The following IL1RL2 variants were observed in gnomAD, a reference collection of about 807,000 sequenced individuals.
IL1RL2 encodes interleukin 1 receptor like 2.
IL1RL2 carries 68 observed loss-of-function variants against 66.8 expected under a neutral mutation model. That is an observed-to-expected ratio of 1.02 (90% CI 0.84 to 1.25). The LOEUF (loss-of-function observed/expected upper bound fraction) is 1.25. IL1RL2 is among the 50% of genes most tolerant of loss of function. IL1RL2 has a pLI of 0.00. For missense variants in IL1RL2, 729 were observed against 709.3 expected, an observed-to-expected ratio of 1.03 and a Z score of -0.32; for synonymous variants, 305 against 264.6, an observed-to-expected ratio of 1.15 and a Z score of -1.48.
intron 6 of IL1RL2, among the ~76,000 whole-genome samples, chr2:102,218,362 A>G (rs930270652): frequency 6.6e-6 from 1 of 152,212 alleles, no homozygotes; most frequent in African/African-American, 2.4e-5. Flanking sequence ...GACAAAGTCC[A>G]CTGAGACTAT....
intron 5 of IL1RL2, among the ~76,000 whole-genome samples, chr2:102,208,217 T>G (rs1444434667): frequency 6.6e-6 from 1 of 152,266 alleles, no homozygotes; most frequent in East Asian, 1.9e-4. Context: ...TTGGTTCTTA[T>G]GAAGGTGTTT....
Position 102,189,259 on chromosome 2 carries a change from T to G in IL1RL2, c.242T>G (p.Leu81Trp), listed in dbSNP as rs760832097. Residue 81 changes from leucine to tryptophan, a missense_variant, in exon 3 of 12, where the codon TTG becomes TGG. Physicochemically the swap from Leu to Trp is moderately conservative, Grantham distance 61. Transcript: ENST00000264257. ...ATTCACCAGGACGAGACTTGGATTT[T>G]GTTTCTCCCCATGGAATGGGGGGAC... ...SRIHQDETWI[L>W]FLPMEWGDSG... 6.2e-7 allele frequency: 1 copy of G among 1,613,832 alleles called. No homozygotes were observed. Among genetic ancestry groups the G allele is most frequent in the African/African-American group, 1.3e-5 (1 of 74,948 alleles).
At chr2:102,211,968 A>G (rs985757326) in intron 5 of IL1RL2, 132 bp from the exon 6 acceptor site, 1 of 534,298 alleles carries the variant, frequency 1.9e-6, no homozygotes, top group Non-Finnish European at 3.3e-6. Flanking sequence ...GAAAATGTGT[A>G]TTTATGGAGT....
At chr2:102,228,816 A>G (rs1356315588) in intron 9 of IL1RL2, among the ~76,000 whole-genome samples, 1 of 152,196 alleles carries the variant, frequency 6.6e-6, no homozygotes, top group Non-Finnish European at 1.5e-5. Context: ...CATTCACAAC[A>G]ACCTTTCAGA....
At chr2:102,204,747 T>A (rs1688559306) in intron 5 of IL1RL2, among the ~76,000 whole-genome samples, 1 of 152,058 alleles carries the variant, frequency 6.6e-6, no homozygotes, top group Non-Finnish European at 1.5e-5. Flanking sequence ...TCAGTCTATG[T>A]GTGTCTTTAT....
intron 10 of IL1RL2, 104 bp downstream of exon 10, chr2:102,233,228 G>C (rs530233878): frequency 1.8e-6 from 2 of 1,117,100 alleles, no homozygotes; most frequent in East Asian, 2.5e-5. Context: ...CTTCCCCATG[G>C]AACCACAGAG....
At chr2:102,187,492 C>A (rs1686786182) in intron 1 of IL1RL2, 1 of 743,224 alleles carries the variant, frequency 1.3e-6, no homozygotes, top group Non-Finnish European at 1.8e-6. Flanking sequence ...GAACCCAGGC[C>A]GCAGGCTGCG....
Position 102,239,208 on chromosome 2 carries a change from A to G in IL1RL2, c.1695A>G (p.Ser565=). 1.2e-6 allele frequency: 2 copies of G among 1,614,034 alleles called. No homozygotes were observed. Among genetic ancestry groups the G allele is most frequent in the Non-Finnish European group, 1.7e-6 (2 of 1,179,894 alleles). The change falls in exon 12 of 12, where the codon TCA becomes TCG. Residue 565 remains serine (S), a synonymous_variant. Transcript: ENST00000264257. ...CYRTAGPELG[S]RRKKCTLTTG is the part of the protein sequence containing the mutation. Reference sequence around the variant, plus strand: ...TGATTTCAGGCCCAGAACTAGGCTCAAGAAGAAAGAAGTGTACTCTCACGA... The same window carrying G: ...TGATTTCAGGCCCAGAACTAGGCTCGAGAAGAAAGAAGTGTACTCTCACGA...
intron 11 of IL1RL2, among the ~76,000 whole-genome samples, chr2:102,236,222 G>T (rs1208811500): frequency 6.6e-6 from 1 of 152,216 alleles, no homozygotes; most frequent in Non-Finnish European, 1.5e-5. Flanking sequence ...ACCTTCTGAA[G>T]CTGTGGGTTG....
rs75460095 is a variant in IL1RL2, at chr2:102,234,278, T to G, written c.1298-619T>G. On this transcript the variant is annotated intron_variant, in intron 10 of 11. Coordinates refer to ENST00000264257, the MANE Select transcript of IL1RL2 (RefSeq NM_003854.4). ...TTCATCTGCTAATATACACCAGACC[T>G]TCAGCTAGTCTGGGGATACAGAGTT... Among the ~76,000 whole-genome samples, 1,022 of 152,298 alleles carry G rather than the reference T, an allele frequency of 6.7e-3. 7 individuals carry two copies. The highest frequency in any genetic ancestry group is 0.018 in the African/African-American group (763 of 41,566).
chr2:102,219,099 T>C lies in IL1RL2; in HGVS notation c.854+17T>C, dbSNP rs1185195685. 2.5e-6 allele frequency: 4 copies of C among 1,613,498 alleles called. No individual in the cohort carries two copies. Among genetic ancestry groups the C allele is most frequent in the African/African-American group, 1.3e-5 (1 of 74,900 alleles). On this transcript the variant is annotated intron_variant, in intron 7 of 11. Coordinates refer to ENST00000264257, the MANE Select transcript of IL1RL2 (RefSeq NM_003854.4). The stretch of plus-strand genomic sequence containing the variant: ...AGGGGTGGAGTAGGTGTTTTGCTTT[T>C]TTGACTTCTCTAAACGCTAGCAAGG...
intron 4 of IL1RL2, among the ~76,000 whole-genome samples, chr2:102,195,568 T>C (rs1188877186): frequency 9.4e-5 from 1 of 10,670 alleles, no homozygotes; most frequent in Non-Finnish European, 2.1e-4. Flanking sequence ...TCTCTTTCTT[T>C]CTTTCTTTCT....
chr2:102,234,028 G>C (rs1674604332), intron 10 of IL1RL2, among the ~76,000 whole-genome samples: 1 of 152,074 alleles, frequency 6.6e-6, no homozygotes, highest in Admixed American at 6.6e-5. Flanking sequence ...TTTCCCATGA[G>C]AGGCAACTGT....
At chr2:102,222,325 A>T (rs1414183550) in intron 8 of IL1RL2, among the ~76,000 whole-genome samples, 3 of 152,208 alleles carry the variant, frequency 2.0e-5, no homozygotes, top group Admixed American at 6.5e-5. Context: ...CTTAACAAAG[A>T]ATACTGCTAT....
chr2:102,211,176 T>A (rs879260270), intron 5 of IL1RL2, among the ~76,000 whole-genome samples: 1 of 152,350 alleles, frequency 6.6e-6, no homozygotes, highest in East Asian at 1.9e-4. Context: ...ATTGCCATCA[T>A]AAAAGATATG....
chr2:102,220,449 G>T (rs1407116194), intron 8 of IL1RL2, among the ~76,000 whole-genome samples: 2 of 152,102 alleles, frequency 1.3e-5, no homozygotes, highest in Non-Finnish European at 2.9e-5. Flanking sequence ...TAAGCAGGAG[G>T]GCTTCCAACT....
At chr2:102,188,519 C>T (rs1187393282) in intron 2 of IL1RL2, among the ~76,000 whole-genome samples, 3 of 136,184 alleles carry the variant, frequency 2.2e-5, no homozygotes, top group Non-Finnish European at 3.1e-5. Context: ...ACTCGGGAGG[C>T]GGAGCTTGCA....
intron 11 of IL1RL2, chr2:102,236,056 C>A: frequency 1.7e-6 from 1 of 594,548 alleles, no homozygotes; most frequent in Non-Finnish European, 2.1e-6. Flanking sequence ...GAATTATAGT[C>A]CAAGCAAGGC....
At chr2:102,198,343 G>T (rs947723641) in intron 4 of IL1RL2, among the ~76,000 whole-genome samples, 4 of 152,174 alleles carry the variant, frequency 2.6e-5, no homozygotes, top group African/African-American at 9.7e-5. Context: ...TCCCCAGGAA[G>T]TCTTTGAAAT....
Sources: allele counts gnomAD v4.1 joint callset (sites outside exome capture counted in the v4.1 genomes callset), GRCh38; gene constraint gnomAD v4.1.1; transcripts MANE v1.5; gene names NCBI Gene and HGNC (gene_info 2026-07-23, HGNC 2026-07-21).